The following GAREM1 variants were observed in gnomAD, a reference collection of about 807,000 sequenced individuals.
GAREM1 encodes GRB2-associated and regulator of MAPK protein 1.
In GAREM1, 26 loss-of-function variants were observed where a neutral mutation model predicts 71.3. The ratio of observed to expected loss-of-function variants is 0.36; its 90% confidence interval spans 0.27 to 0.51. The LOEUF (loss-of-function observed/expected upper bound fraction) is 0.51. GAREM1 is among the 20% of genes least tolerant of loss of function. The pLI is 0.95. For missense variants in GAREM1, 1,026 were observed against 1,103.1 expected (o/e 0.93, Z 0.99); for synonymous variants, 440 against 433.2 (o/e 1.02, Z -0.20).
intron 2 of GAREM1, among the ~76,000 whole-genome samples, chr18:32,312,527 T>A (rs1341840108): frequency 6.6e-6 from 1 of 152,184 alleles, no homozygotes; most frequent in Non-Finnish European, 1.5e-5. Flanking sequence ...AGAACTGGAT[T>A]GAAGGCAGCC....
At position 32,366,404 on chromosome 18, in the gene GAREM1, A is replaced by G. The variant is rs117604217; in HGVS notation, c.262+26491T>C. Among the ~76,000 whole-genome samples the G allele has an allele frequency of 1.8e-3, 267 of 152,262 alleles. 10 individuals carry two copies. In the East Asian group the frequency reaches 0.05, roughly 29 times the overall value. On this transcript the variant is annotated intron_variant, in intron 2 of 5. Coordinates refer to ENST00000269209, the MANE Select transcript of GAREM1 (RefSeq NM_001242409.2). ...TCGCATAGAAGAGTCCTCAACAAATATCTGCTGCAGGAATGAATTCATAAA... is the reference window on the plus strand; with the variant it reads ...TCGCATAGAAGAGTCCTCAACAAATGTCTGCTGCAGGAATGAATTCATAAA...
At chr18:32,363,814 T>G (rs1567980292) in intron 2 of GAREM1, among the ~76,000 whole-genome samples, 3 of 151,124 alleles carry the variant, frequency 2.0e-5, no homozygotes, top group African/African-American at 7.3e-5. Flanking sequence ...TACAACTTTT[T>G]GAAATGTCAC....
At chr18:32,353,807 A>C (rs1340737277) in intron 2 of GAREM1, among the ~76,000 whole-genome samples, 1 of 152,184 alleles carries the variant, frequency 6.6e-6, no homozygotes, top group Non-Finnish European at 1.5e-5. Context: ...TTTATGATTT[A>C]GAATTGATAG....
At chr18:32,301,010 G>GC (rs748988639) in intron 3 of GAREM1, among the ~76,000 whole-genome samples, 1 of 151,834 alleles carries the variant, frequency 6.6e-6, no homozygotes, top group Non-Finnish European at 1.5e-5. Context: ...TTTTAAAACG[G>GC]CAACAAATAT....
chr18:32,337,703 G>A (rs1045410951), intron 2 of GAREM1, among the ~76,000 whole-genome samples: 1 of 152,190 alleles, frequency 6.6e-6, no homozygotes, highest in Non-Finnish European at 1.5e-5. Flanking sequence ...GAGCTAAGGA[G>A]CCAGAAGGTG....
At chr18:32,344,954 C>G (rs1319192886) in intron 2 of GAREM1, among the ~76,000 whole-genome samples, 1 of 152,130 alleles carries the variant, frequency 6.6e-6, no homozygotes, top group African/African-American at 2.4e-5. Context: ...CCCAGCTACT[C>G]AGGAAGCTGA....
At chr18:32,358,236 T>A (rs2047825120) in intron 2 of GAREM1, among the ~76,000 whole-genome samples, 1 of 150,676 alleles carries the variant, frequency 6.6e-6, no homozygotes, top group Non-Finnish European at 1.5e-5. Flanking sequence ...GCCTTCCCCA[T>A]CTCACAGGTG....
intron 2 of GAREM1, among the ~76,000 whole-genome samples, chr18:32,310,863 C>T (rs1283011051): frequency 6.6e-6 from 1 of 152,014 alleles, no homozygotes; most frequent in Non-Finnish European, 1.5e-5. Flanking sequence ...CAGGTAATGT[C>T]TAGGGCTCAT....
At chr18:32,341,374 A>G (rs895857430) in intron 2 of GAREM1, among the ~76,000 whole-genome samples, 1 of 152,190 alleles carries the variant, frequency 6.6e-6, no homozygotes, top group Non-Finnish European at 1.5e-5. Flanking sequence ...AAGCCAGTCT[A>G]TCATTGATGG....
At chr18:32,371,362 G>A (rs1042612365) in intron 2 of GAREM1, among the ~76,000 whole-genome samples, 2 of 152,210 alleles carry the variant, frequency 1.3e-5, no homozygotes, top group African/African-American at 4.8e-5. Flanking sequence ...TAAATACTCT[G>A]ATGGTTTATC....
intron 2 of GAREM1, among the ~76,000 whole-genome samples, chr18:32,338,491 CTG>C (rs1309817700): frequency 6.6e-6 from 1 of 152,142 alleles, no homozygotes; most frequent in Non-Finnish European, 1.5e-5. Context: ...TGCTTATTTT[CTG>C]TGTGTTGAGT....
At chr18:32,409,754 A>G (rs1478866237) in intron 1 of GAREM1, among the ~76,000 whole-genome samples, 1 of 152,160 alleles carries the variant, frequency 6.6e-6, no homozygotes, top group East Asian at 1.9e-4. Context: ...ACGGTAACTA[A>G]TATTTAAAAG....
At chr18:32,445,797 T>C (rs542258614) in intron 1 of GAREM1, among the ~76,000 whole-genome samples, 19 of 152,250 alleles carry the variant, frequency 1.2e-4, no homozygotes, top group African/African-American at 4.1e-4. Flanking sequence ...AAATAGCTGA[T>C]TTGCACATAT....
chr18:32,421,713 C>G (rs1213668296), intron 1 of GAREM1, among the ~76,000 whole-genome samples: 1 of 152,140 alleles, frequency 6.6e-6, no homozygotes, highest in Non-Finnish European at 1.5e-5. Context: ...AAGCCCTTCC[C>G]CCATATTACC....
chr18:32,307,146 T>A (rs9960214), intron 3 of GAREM1, among the ~76,000 whole-genome samples: 12,281 of 152,254 alleles, frequency 0.081, 856 homozygotes, highest in African/African-American at 0.19. Context: ...TTATTTTACA[T>A]TCTTATTAAG....
chr18:32,431,986 A>T (rs1568009158), intron 1 of GAREM1, among the ~76,000 whole-genome samples: 1 of 152,210 alleles, frequency 6.6e-6, no homozygotes, highest in South Asian at 2.1e-4. Context: ...TGAAGGTGAA[A>T]TAGACATTCT....
At chr18:32,460,639 A>G (rs1180048658) in intron 1 of GAREM1, among the ~76,000 whole-genome samples, 1 of 152,212 alleles carries the variant, frequency 6.6e-6, no homozygotes, top group Non-Finnish European at 1.5e-5. Flanking sequence ...GAAGATGACA[A>G]CTGTACCAAA....
At chr18:32,423,267 T>C (rs1433971933) in intron 1 of GAREM1, among the ~76,000 whole-genome samples, 1 of 152,158 alleles carries the variant, frequency 6.6e-6, no homozygotes, top group African/African-American at 2.4e-5. Context: ...GAGGATTAAA[T>C]GAGAACATCA....
chr18:32,464,844 G>A (rs1178300648), intron 1 of GAREM1, among the ~76,000 whole-genome samples: 1 of 128,846 alleles, frequency 7.8e-6, no homozygotes, highest in Non-Finnish European at 1.7e-5. Flanking sequence ...TAGAATGTAA[G>A]CACCACAAAG....
Sources: gnomAD v4.1 joint callset for allele counts (sites outside exome capture counted in the v4.1 genomes callset) on GRCh38, gnomAD v4.1.1 for gene constraint, MANE v1.5 for transcripts, NCBI Gene and HGNC (gene_info 2026-07-23, HGNC 2026-07-21) for gene names.